Variants in BRD10 observed in about 807,000 individuals in gnomAD.
BRD10 encodes the protein uncharacterized bromodomain-containing protein 10.
At chr9:5,920,992 G>A in the BRD10 span, 1 of 1,613,908 alleles carries the variant, frequency 6.2e-7, no homozygotes, top group Non-Finnish European at 8.5e-7. Flanking sequence ...CAGAGGCTGA[G>A]GTCACTGGAA....
At chr9:5,996,010 C>G in the BRD10 span, among the ~76,000 whole-genome samples, 2 of 152,034 alleles carry the variant, frequency 1.3e-5, no homozygotes, top group Non-Finnish European at 2.9e-5. Context: ...GAAATATACT[C>G]AGTTTTTAAC....
At chr9:5,966,707 C>G in the BRD10 span, among the ~76,000 whole-genome samples, 4 of 152,026 alleles carry the variant, frequency 2.6e-5, no homozygotes, top group Non-Finnish European at 5.9e-5. Context: ...ATCTGCCCCC[C>G]TCGGCCTCCC....
the BRD10 span, among the ~76,000 whole-genome samples, chr9:5,896,276 C>T: frequency 1.3e-5 from 2 of 152,178 alleles, no homozygotes; most frequent in African/African-American, 4.8e-5. Context: ...GTGCCTAGCC[C>T]AGTGCCTGGC....
At chr9:5,959,812 C>G in the BRD10 span, among the ~76,000 whole-genome samples, 1 of 152,180 alleles carries the variant, frequency 6.6e-6, no homozygotes, top group Non-Finnish European at 1.5e-5. Context: ...ATTTCAAGCT[C>G]AATTCCTTGC....
the BRD10 span, chr9:5,920,716 G>A: frequency 2.4e-5 from 38 of 1,613,804 alleles, no homozygotes; most frequent in Admixed American, 3.3e-5. Context: ...GTGGAACTGT[G>A]TTTATTATTT....
the BRD10 span, chr9:5,921,100 C>T: frequency 1.2e-6 from 2 of 1,613,892 alleles, no homozygotes; most frequent in Non-Finnish European, 1.7e-6. Context: ...TATTCTGACT[C>T]ACAAAATTTG....
At chr9:5,948,007 T>C in the BRD10 span, among the ~76,000 whole-genome samples, 1 of 151,214 alleles carries the variant, frequency 6.6e-6, no homozygotes, top group African/African-American at 2.4e-5. Context: ...TGAGAGGAGG[T>C]TTTCAGTCAA....
At chr9:5,913,767 G>A in the BRD10 span, 4 of 202,094 alleles carry the variant, frequency 2.0e-5, no homozygotes, top group Non-Finnish European at 2.0e-5. Flanking sequence ...GCTGTTAAAT[G>A]TTTCCTTAAA....
the BRD10 span, among the ~76,000 whole-genome samples, chr9:6,000,981 C>T: frequency 6.6e-6 from 1 of 152,178 alleles, no homozygotes; most frequent in Non-Finnish European, 1.5e-5. Flanking sequence ...TGTCACTATG[C>T]TGGACTCCAC....
the BRD10 span, chr9:5,968,405 T>A: frequency 1.9e-6 from 3 of 1,612,574 alleles, no homozygotes; most frequent in Middle Eastern, 3.3e-4. Context: ...AAACCTTATT[T>A]CACCTGGACT....
chr9:5,977,819 A>T, the BRD10 span, among the ~76,000 whole-genome samples: 1 of 152,232 alleles, frequency 6.6e-6, no homozygotes, highest in African/African-American at 2.4e-5. Context: ...TGGGCAACAG[A>T]GCGAGACTCC....
chr9:5,917,768 G>A, the BRD10 span, among the ~76,000 whole-genome samples: 1 of 152,174 alleles, frequency 6.6e-6, no homozygotes, highest in East Asian at 1.9e-4. Context: ...TGGGAGAATT[G>A]CTTGAATCCA....
At chr9:6,008,127 TCGC>T in the BRD10 span, 1 of 975,898 alleles carries the variant, frequency 1.0e-6, no homozygotes, top group South Asian at 4.9e-5. Flanking sequence ...CCCTGCCGGG[TCGC>T]CGCGGCCTCG....
the BRD10 span, among the ~76,000 whole-genome samples, chr9:5,945,830 A>T: frequency 6.6e-6 from 1 of 152,088 alleles, no homozygotes; most frequent in African/African-American, 2.4e-5. Context: ...CTGAAACAAA[A>T]CTACAACCGA....
chr9:5,906,120 G>A, the BRD10 span, among the ~76,000 whole-genome samples: 1 of 151,852 alleles, frequency 6.6e-6, no homozygotes, highest in Non-Finnish European at 1.5e-5. Flanking sequence ...AGAGGCTGAG[G>A]CAGGAGGATT....
At chr9:5,923,693 T>G in the BRD10 span, among the ~76,000 whole-genome samples, 2 of 152,228 alleles carry the variant, frequency 1.3e-5, no homozygotes, top group Non-Finnish European at 2.9e-5. Context: ...CTAGGAACAT[T>G]TTGATACCAT....
At chr9:5,958,079 A>T in the BRD10 span, among the ~76,000 whole-genome samples, 1 of 152,194 alleles carries the variant, frequency 6.6e-6, no homozygotes, top group Non-Finnish European at 1.5e-5. Flanking sequence ...CTTGAGCCTA[A>T]AACAGAAAGT....
the BRD10 span, among the ~76,000 whole-genome samples, chr9:5,991,224 TAG>T: frequency 2.6e-5 from 4 of 152,120 alleles, no homozygotes; most frequent in African/African-American, 9.7e-5. Flanking sequence ...GACACACTAC[TAG>T]ATGCCATATG....
At chr9:5,887,970 T>C in the BRD10 span, among the ~76,000 whole-genome samples, 1 of 152,236 alleles carries the variant, frequency 6.6e-6, no homozygotes, top group Non-Finnish European at 1.5e-5. Flanking sequence ...TTTTCAGTGG[T>C]GACTATCCAG....
Sources: allele counts gnomAD v4.1 joint callset (sites outside exome capture counted in the v4.1 genomes callset), GRCh38; gene constraint gnomAD v4.1.1; transcripts MANE v1.5; gene names NCBI Gene and HGNC (gene_info 2026-07-23, HGNC 2026-07-21).